LRRC49: variants seen among roughly 807,000 people sequenced by gnomAD.
The protein encoded by LRRC49 is leucine-rich repeat-containing protein 49.
LRRC49 carries 50 observed loss-of-function variants against 83.3 expected under a neutral mutation model. The observed-to-expected ratio is 0.60, with a 90% confidence interval of 0.48 to 0.76. LRRC49 has a LOEUF of 0.76. LRRC49 is among the 30% of genes least tolerant of loss of function. The probability of loss-of-function intolerance (pLI) is 0.00; values close to 1 mark genes in which losing one functional copy is unlikely to be tolerated. For synonymous variants in LRRC49, 286 were observed against 283.3 expected, an observed-to-expected ratio of 1.01 and a Z score of -0.10; for missense variants, 704 against 809.1, an observed-to-expected ratio of 0.87 and a Z score of 1.58.
At chr15:70,876,073 C>G (rs561546995) in intron 2 of LRRC49, among the ~76,000 whole-genome samples, 13 of 152,268 alleles carry the variant, frequency 8.5e-5, no homozygotes, top group African/African-American at 3.1e-4. Flanking sequence ...CATTTTCGAT[C>G]ACTTTTGCCA....
chr15:71,048,821 T>C (rs1567117190), intron 15 of LRRC49: 1 of 456,050 alleles, frequency 2.2e-6, no homozygotes, highest in Admixed American at 2.3e-5. Context: ...GACCTGTTTC[T>C]TTAGAAGGCA....
chr15:71,021,342 GT>G (rs2038990059), intron 14 of LRRC49, among the ~76,000 whole-genome samples: 1 of 152,216 alleles, frequency 6.6e-6, no homozygotes, highest in African/African-American at 2.4e-5. Context: ...GTGGGTTAAT[GT>G]TGTTCATGTT....
intron 2 of LRRC49, chr15:70,882,696 T>C: frequency 1.2e-6 from 2 of 1,611,816 alleles, no homozygotes; most frequent in Non-Finnish European, 1.7e-6. Context: ...ACTTTGCTTT[T>C]CATATATCTT....
chr15:70,901,971 C>T (rs992571600), intron 4 of LRRC49, among the ~76,000 whole-genome samples: 3 of 152,152 alleles, frequency 2.0e-5, no homozygotes, highest in Non-Finnish European at 2.9e-5. Flanking sequence ...ATACCTTTAG[C>T]TTAGCAGTGC....
At chr15:71,037,081 A>C in intron 14 of LRRC49, 98 bp from the exon 15 acceptor site, 1 of 815,012 alleles carries the variant, frequency 1.2e-6, no homozygotes, top group Non-Finnish European at 2.0e-6. Flanking sequence ...ATATATATTC[A>C]AAAAAGTATA....
intron 9 of LRRC49, among the ~76,000 whole-genome samples, chr15:70,966,260 C>T (rs1567074102): frequency 3.3e-5 from 5 of 152,034 alleles, no homozygotes; most frequent in African/African-American, 4.8e-5. Context: ...TCCTAAACTG[C>T]GTGCAGAGGA....
At chr15:70,892,506 G>C, upstream of LRRC49, 2 of 1,525,122 alleles carry the variant, frequency 1.3e-6, no homozygotes. Flanking sequence ...GGAGCCAGTG[G>C]ACACAAGCAG....
chr15:70,874,177 A>C (rs1334754844), intron 2 of LRRC49, among the ~76,000 whole-genome samples: 1 of 152,176 alleles, frequency 6.6e-6, no homozygotes, highest in Non-Finnish European at 1.5e-5. Flanking sequence ...CAATCCTGGA[A>C]GTGTTCTAGA....
intron 1 of LRRC49, among the ~76,000 whole-genome samples, chr15:70,870,872 T>C (rs2033011873): frequency 6.6e-6 from 1 of 152,256 alleles, no homozygotes; most frequent in South Asian, 2.1e-4. Flanking sequence ...TAAAAAATGA[T>C]TGCAACTTAT....
chr15:71,030,912 T>C (rs1326302721), intron 14 of LRRC49, among the ~76,000 whole-genome samples: 2 of 152,040 alleles, frequency 1.3e-5, no homozygotes, highest in African/African-American at 4.8e-5. Flanking sequence ...TAGTTAGCAA[T>C]TCCTGTAACC....
At chr15:70,867,209 T>C (rs960496340) in intron 1 of LRRC49, among the ~76,000 whole-genome samples, 16 of 152,004 alleles carry the variant, frequency 1.1e-4, no homozygotes, top group African/African-American at 3.4e-4. Context: ...GGAATCCTCA[T>C]ATCAGACACT....
chr15:70,976,851 T>C (rs974984116), intron 9 of LRRC49, among the ~76,000 whole-genome samples: 2 of 152,200 alleles, frequency 1.3e-5, no homozygotes, highest in African/African-American at 4.8e-5. Context: ...AGGTTTTTTT[T>C]CTAAGTTTAG....
intron 14 of LRRC49, among the ~76,000 whole-genome samples, chr15:71,020,044 T>G (rs898000519): frequency 2.0e-5 from 3 of 152,176 alleles, no homozygotes; most frequent in African/African-American, 7.2e-5. Context: ...ATAAAACGAC[T>G]GTGCCTGCTA....
intron 5 of LRRC49, among the ~76,000 whole-genome samples, chr15:70,911,175 T>C (rs1269965395): frequency 1.3e-5 from 2 of 152,284 alleles, no homozygotes; most frequent in East Asian, 3.9e-4. Context: ...TGGTAGGAGA[T>C]AAGGCTGGCT....
At chr15:70,864,283 ACAG>A (rs2032863932) in intron 1 of LRRC49, among the ~76,000 whole-genome samples, 1 of 152,144 alleles carries the variant, frequency 6.6e-6, no homozygotes, top group South Asian at 2.1e-4. Context: ...CATCACTTTT[ACAG>A]CAAGAACTTG....
intron 7 of LRRC49, among the ~76,000 whole-genome samples, chr15:70,924,153 A>G (rs1254915274): frequency 6.6e-6 from 1 of 151,906 alleles, no homozygotes. Flanking sequence ...TATGGCAGGA[A>G]TGTCAGAGAA....
At chr15:70,937,790 ACTCTTT>A (rs2035652699) in intron 8 of LRRC49, among the ~76,000 whole-genome samples, 1 of 151,894 alleles carries the variant, frequency 6.6e-6, no homozygotes, top group Admixed American at 6.6e-5. Flanking sequence ...TGAAGAAAAT[ACTCTTT>A]CTCTTTTTTC....
intron 3 of LRRC49, chr15:70,898,294 A>G: frequency 1.6e-6 from 1 of 641,532 alleles, no homozygotes; most frequent in Non-Finnish European, 2.8e-6. Context: ...ACACACGCAA[A>G]ATAGATTTTC....
chr15:71,008,751 T>G (rs1039780571), intron 12 of LRRC49, 135 bp downstream of exon 12: 3 of 619,094 alleles, frequency 4.8e-6, no homozygotes, highest in South Asian at 4.5e-5. Flanking sequence ...GTTGATTTTC[T>G]TGAGCTAGGA....
Sources: allele counts gnomAD v4.1 joint callset (sites outside exome capture counted in the v4.1 genomes callset), GRCh38; gene constraint gnomAD v4.1.1; transcripts MANE v1.5; gene names NCBI Gene and HGNC (gene_info 2026-07-23, HGNC 2026-07-21).